Variants in CDH17 observed in about 807,000 individuals in gnomAD.
CDH17 encodes the protein cadherin 17, also known as cadherin-17.
Under a neutral mutation model 86.3 loss-of-function variants are expected in CDH17, and 67 were observed. The observed-to-expected ratio is 0.78, with a 90% CI of 0.64 to 0.95. The LOEUF (loss-of-function observed/expected upper bound fraction) is 0.95, where lower values mean the gene tolerates loss of function less well. Ranked by LOEUF, CDH17 falls within the 40% of genes least tolerant of loss-of-function variation. The pLI is 0.00. For synonymous variants in CDH17, 367 were observed against 366.4 expected (o/e 1.00, Z -0.02); for missense variants, 993 against 1,017.6 (o/e 0.98, Z 0.33).
At chr8:94,201,162 C>T (rs1405286145) in intron 1 of CDH17, among the ~76,000 whole-genome samples, 1 of 152,106 alleles carries the variant, frequency 6.6e-6, no homozygotes, top group Non-Finnish European at 1.5e-5. Flanking sequence ...CCCGACCTGC[C>T]TGGAGGAAAA....
chr8:94,131,533 C>T (rs780915702), intron 15 of CDH17, among the ~76,000 whole-genome samples: 1 of 152,144 alleles, frequency 6.6e-6, no homozygotes, highest in Non-Finnish European at 1.5e-5. Flanking sequence ...TTGGACATTA[C>T]TTTTAATTTG....
intron 12 of CDH17, among the ~76,000 whole-genome samples, chr8:94,154,811 A>AT (rs1812916294): frequency 6.6e-6 from 1 of 152,184 alleles, no homozygotes; most frequent in African/African-American, 2.4e-5. Context: ...CATCATATTC[A>AT]TCTTTGCTTC....
At chr8:94,141,925 G>A (rs1012021092) in intron 15 of CDH17, among the ~76,000 whole-genome samples, 42 of 152,060 alleles carry the variant, frequency 2.8e-4, no homozygotes, top group African/African-American at 8.4e-4. Flanking sequence ...GAACAAAGTC[G>A]GAAAAATTAA....
chr8:94,178,380 A>C (rs2130647932), intron 3 of CDH17, among the ~76,000 whole-genome samples: 1 of 152,300 alleles, frequency 6.6e-6, no homozygotes, highest in Non-Finnish European at 1.5e-5. Flanking sequence ...ATAAAGAAAC[A>C]TTGTTGATGG....
intron 15 of CDH17, among the ~76,000 whole-genome samples, chr8:94,132,410 G>T (rs968556134): frequency 6.6e-6 from 1 of 152,136 alleles, no homozygotes; most frequent in Admixed American, 6.5e-5. Flanking sequence ...GTTTTGATTT[G>T]CATTTCTCTG....
At position 94,187,969 on chromosome 8, in the gene CDH17, C is replaced by A. The variant is rs561613382; in HGVS notation, c.150+1218G>T. 6.6e-5 allele frequency among the ~76,000 whole-genome samples: 10 copies of A among 152,304 alleles called. No homozygotes were observed. In the East Asian group the frequency reaches 1.9e-3, roughly 29 times the overall value. ...GCAAGCATGCCCCTGCCAGCTCTTA[C>A]TCTGGGGCCCTTTGCCTTAAGCTGG... On this transcript the variant is annotated intron_variant, in intron 3 of 17. Coordinates refer to ENST00000027335, the MANE Select transcript of CDH17 (RefSeq NM_004063.4).
chr8:94,189,166 G>T, intron 3 of CDH17, 21 bp downstream of exon 3: 1 of 1,534,786 alleles, frequency 6.5e-7, no homozygotes, highest in Non-Finnish European at 9.0e-7. Flanking sequence ...CAAGAGGACA[G>T]TGATCAAGGG....
chr8:94,196,594 T>A (rs1341227093), intron 1 of CDH17, among the ~76,000 whole-genome samples: 1 of 152,194 alleles, frequency 6.6e-6, no homozygotes. Context: ...TAATCCCAGC[T>A]ACTTGTGATA....
rs543003249 is a variant in CDH17 at position 94,134,190 on chromosome 8, C to A, written c.2168-3198G>T. Among the ~76,000 whole-genome samples, 113 of 152,302 alleles carry A rather than the reference C, an allele frequency of 7.4e-4. 4 individuals carry two copies. In the South Asian group the frequency reaches 0.023, roughly 32 times the overall value. ...CTCATAAAATGAGTTAGGGAGGATT[C>A]CCTCTTTTTCTATTGATTGAAATAG... On this transcript the variant is annotated intron_variant, in intron 15 of 17. Transcript: ENST00000027335.
intron 2 of CDH17, among the ~76,000 whole-genome samples, chr8:94,192,691 C>T (rs1813710365): frequency 6.6e-6 from 1 of 152,170 alleles, no homozygotes; most frequent in African/African-American, 2.4e-5. Context: ...TTGTACCAAA[C>T]TCATCTTCCT....
rs530238049 is a variant in CDH17 at position 94,170,548 on chromosome 8, C to T, written c.916-1G>A. Reference sequence around the variant, plus strand: ...CCTTTGCAACTGCATAAAAAACATACTACAACAGGAAAGTCAGAGTTAAGG... The same window carrying T: ...CCTTTGCAACTGCATAAAAAACATATTACAACAGGAAAGTCAGAGTTAAGG... On this transcript the variant is annotated splice_acceptor_variant, in intron 8 of 17. Transcript: ENST00000027335. LOFTEE classifies it high-confidence loss of function. 1.2e-5 allele frequency: 19 copies of T among 1,613,458 alleles called. No individual in the cohort carries two copies. In the South Asian group the frequency reaches 1.8e-4, roughly 15 times the overall value.
intron 5 of CDH17, among the ~76,000 whole-genome samples, chr8:94,175,014 T>C (rs1435835979): frequency 2.6e-5 from 4 of 152,222 alleles, no homozygotes; most frequent in Admixed American, 1.3e-4. Context: ...GACTCAGTTG[T>C]TGAATTTTCA....
At chr8:94,161,757 CA>C (rs1205065964) in intron 11 of CDH17, among the ~76,000 whole-genome samples, 1 of 152,034 alleles carries the variant, frequency 6.6e-6, no homozygotes, top group Admixed American at 6.6e-5. Flanking sequence ...TGTCCTAACA[CA>C]AAAAAATATA....
chr8:94,216,730 T>C (rs978432076), intron 1 of CDH17, among the ~76,000 whole-genome samples: 5 of 152,188 alleles, frequency 3.3e-5, no homozygotes, highest in African/African-American at 1.2e-4. Flanking sequence ...TCAATGGTAG[T>C]TAACTACACA....
intron 2 of CDH17, among the ~76,000 whole-genome samples, chr8:94,192,889 G>C (rs10956904): frequency 6.6e-6 from 1 of 152,074 alleles, no homozygotes; most frequent in African/African-American, 2.4e-5. Context: ...AAGAACAGAA[G>C]ATCTACTCGC....
Position 94,130,947 on chromosome 8 carries a change from C to CT in CDH17, c.2212dup (p.Arg738LysfsTer11), listed in dbSNP as rs1383970634. On this transcript the variant is annotated frameshift_variant, in exon 16 of 18. Transcript: ENST00000027335. LOFTEE classifies it high-confidence loss of function. Reference sequence around the variant, plus strand: ...GATGCGGATCAAGACGACATACTCCCTCTCCTCAAACTCTGTGTGCCTGGT... The same window carrying CT: ...GATGCGGATCAAGACGACATACTCCCTTCTCCTCAAACTCTGTGTGCCTGGT... 2 of 1,610,538 alleles carry CT rather than the reference C, an allele frequency of 1.2e-6. No individual in the cohort carries two copies. The highest frequency in any genetic ancestry group is 1.7e-5 in the Admixed American group (1 of 59,978).
rs1348939707 is a variant in CDH17 at position 94,181,499 on chromosome 8, A to G, written c.151-3778T>C. On this transcript the variant is annotated intron_variant, in intron 3 of 17. Transcript: ENST00000027335. ...TAAAAACAATATAAGGAAATTTGGG[A>G]AAATCACTAATATGTAAAATAACAA... 2.0e-5 allele frequency among the ~76,000 whole-genome samples: 3 copies of G among 152,204 alleles called. No individual in the cohort carries two copies. In the East Asian group the frequency reaches 5.8e-4, roughly 29 times the overall value.
intron 15 of CDH17, among the ~76,000 whole-genome samples, chr8:94,143,020 C>A (rs1822085953): frequency 6.6e-6 from 1 of 152,178 alleles, no homozygotes; most frequent in Admixed American, 6.5e-5. Flanking sequence ...TTGATGATAT[C>A]TAAACTGGTG....
In CDH17 at chr8:94,177,706, G is replaced by A. The variant is rs781081000; in HGVS notation, c.166C>T (p.Pro56Ser). The A allele has an allele frequency of 6.2e-6, 10 of 1,613,704 alleles. No homozygotes were observed. The Middle Eastern group carries it at 6.6e-4, about 107-fold the overall frequency. ...CCAGTTAGTTCAAAAGTCACAGCAGGAGGATTGGCCTTAAACTGGGGAAAA... is the reference window on the plus strand; with the variant it reads ...CCAGTTAGTTCAAAAGTCACAGCAGAAGGATTGGCCTTAAACTGGGGAAAA... ...QIIFQFKANPPAVTFELTGET... is the reference protein window; with the variant it reads ...QIIFQFKANPSAVTFELTGET... Residue 56 changes from proline (P) to serine (S), a missense_variant, in exon 4 of 18, where the codon CCT becomes TCT. By Grantham distance (74) the Pro-to-Ser change is moderately conservative (BLOSUM62 -1). Coordinates refer to ENST00000027335, the MANE Select transcript of CDH17 (RefSeq NM_004063.4).
Sources: gnomAD v4.1 joint callset for allele counts (sites outside exome capture counted in the v4.1 genomes callset) on GRCh38, gnomAD v4.1.1 for gene constraint, MANE v1.5 for transcripts, NCBI Gene and HGNC (gene_info 2026-07-23, HGNC 2026-07-21) for gene names.